The following SMC5 variants were observed in gnomAD, a reference collection of about 807,000 sequenced individuals.
SMC5 encodes the protein structural maintenance of chromosomes 5.
Under a neutral mutation model 148.3 loss-of-function variants are expected in SMC5, and 88 were observed. The ratio of observed to expected loss-of-function variants is 0.59; its 90% CI spans 0.50 to 0.71. SMC5 has a LOEUF of 0.71. Ranked by LOEUF, SMC5 falls within the 30% of genes least tolerant of loss-of-function variation. The pLI is 0.00. For missense variants in SMC5, 1,142 were observed against 1,298.9 expected (o/e 0.88, Z 1.86); for synonymous variants, 421 against 432.8 (o/e 0.97, Z 0.34).
intron 7 of SMC5, among the ~76,000 whole-genome samples, chr9:70,284,565 T>A (rs903438719): frequency 5.9e-5 from 9 of 152,218 alleles, no homozygotes; most frequent in African/African-American, 1.9e-4. Context: ...CATAATAAAT[T>A]TGAGATCTCT....
chr9:70,306,161 G>A (rs2118480187), intron 11 of SMC5, among the ~76,000 whole-genome samples: 1 of 152,216 alleles, frequency 6.6e-6, no homozygotes, highest in East Asian at 1.9e-4. Context: ...TGTATTGTCT[G>A]TAAGACTTCT....
rs778433144 is a variant in SMC5 at position 70,352,308 on chromosome 9, A to G, written c.3283A>G (p.Ile1095Val). 3 of 1,605,220 alleles carry G rather than the reference A, an allele frequency of 1.9e-6. 1 individual carries two copies. The South Asian group carries it at 3.4e-5, about 18-fold the overall frequency. Reference sequence around the variant, plus strand: ...GGCTTTCCAAAGGCGGCGGCGCCGTATTACATTCACTCAACCTTCTTAATA... The same window carrying G: ...GGCTTTCCAAAGGCGGCGGCGCCGTGTTACATTCACTCAACCTTCTTAATA... ...LKAFQRRRRR[I>V]TFTQPS is the part of the protein sequence containing the mutation. Residue 1095 changes from isoleucine to valine, a missense_variant, in exon 25 of 25, where the codon ATT becomes GTT. By Grantham distance (29) the Ile-to-Val change is conservative. Coordinates refer to ENST00000361138, the MANE Select transcript of SMC5 (RefSeq NM_015110.4).
At chr9:70,343,915 C>A (rs185291564) in intron 17 of SMC5, among the ~76,000 whole-genome samples, 1 of 152,064 alleles carries the variant, frequency 6.6e-6, no homozygotes, top group Admixed American at 6.6e-5. Context: ...AATTTTACAC[C>A]TCTTATGGAT....
At chr9:70,262,581 G>T (rs2034169164) in intron 1 of SMC5, among the ~76,000 whole-genome samples, 1 of 152,212 alleles carries the variant, frequency 6.6e-6, no homozygotes, top group Admixed American at 6.5e-5. Flanking sequence ...TTTTGGATGG[G>T]AAAGATGGTG....
rs966754708 is a variant in SMC5, at chr9:70,353,623, T to C, written c.*1292T>C. ...TAAGTAGCCATTGAAATTTATATTC[T>C]TAACTAGGTCAAAAAATAATGAGCC... On this transcript the variant is annotated 3_prime_UTR_variant, in exon 25 of 25. Coordinates refer to ENST00000361138, the MANE Select transcript of SMC5 (RefSeq NM_015110.4). The C allele has an allele frequency of 2.6e-5, 4 of 152,198 alleles. No individual in the cohort carries two copies. Among genetic ancestry groups the C allele is most frequent in the Non-Finnish European group, 5.9e-5 (4 of 68,018 alleles). 9.4% of individuals were successfully genotyped at this position (152,198 alleles called of 1,614,324 possible).
intron 8 of SMC5, among the ~76,000 whole-genome samples, chr9:70,291,942 C>G (rs761866994): frequency 1.3e-5 from 2 of 151,970 alleles, no homozygotes; most frequent in Non-Finnish European, 2.9e-5. Context: ...TGGGCTGTTG[C>G]TTTTCAAGGA....
At chr9:70,295,699 G>A (rs1028565886) in intron 8 of SMC5, among the ~76,000 whole-genome samples, 1 of 152,128 alleles carries the variant, frequency 6.6e-6, no homozygotes, top group Non-Finnish European at 1.5e-5. Flanking sequence ...TGAAAGGTAA[G>A]GGATCGTTGG....
In SMC5 at chr9:70,264,260, G is replaced by A. The variant is rs557414474; in HGVS notation, c.186-44G>A. 2.6e-6 allele frequency: 4 copies of A among 1,550,828 alleles called. No individual in the cohort carries two copies. The African/African-American group carries it at 5.5e-5, about 21-fold the overall frequency. ...TAGATAATGTAAAGCAAGGAAAAGT[G>A]GTTTTGTATCTCTCCTTAATAATTT... On this transcript the variant is annotated intron_variant, in intron 1 of 24. Transcript: ENST00000361138.
rs147773488 is a variant in SMC5 at position 70,302,458 on chromosome 9, A to G, written c.1464+2258A>G. Reference sequence around the variant, plus strand: ...CAGTGAGCTGAGATCACACTGCTACAATCCAGCCTGGCGACAGAGCTAGAC... The same window carrying G: ...CAGTGAGCTGAGATCACACTGCTACGATCCAGCCTGGCGACAGAGCTAGAC... On this transcript the variant is annotated intron_variant, in intron 10 of 24. Coordinates refer to ENST00000361138, the MANE Select transcript of SMC5 (RefSeq NM_015110.4). Among the ~76,000 whole-genome samples the G allele has an allele frequency of 7.9e-3, 1,207 of 152,022 alleles. 6 individuals are homozygous for G. Among genetic ancestry groups the G allele is most frequent in the African/African-American group, 0.028 (1,151 of 41,478 alleles).
intron 8 of SMC5, among the ~76,000 whole-genome samples, chr9:70,287,170 T>C (rs2034927311): frequency 6.6e-6 from 1 of 152,224 alleles, no homozygotes; most frequent in African/African-American, 2.4e-5. Context: ...TGTTTCAATT[T>C]GTAGTATCCT....
intron 6 of SMC5, among the ~76,000 whole-genome samples, chr9:70,281,652 T>C (rs1160301043): frequency 6.6e-6 from 1 of 152,210 alleles, no homozygotes; most frequent in Non-Finnish European, 1.5e-5. Flanking sequence ...TAATTGTTAC[T>C]TGCTTCAAAA....
intron 17 of SMC5, among the ~76,000 whole-genome samples, chr9:70,336,886 GA>G (rs1448029632): frequency 6.6e-6 from 1 of 152,186 alleles, no homozygotes; most frequent in Non-Finnish European, 1.5e-5. Flanking sequence ...GTTTACAAAA[GA>G]AAGAGGTTTA....
rs556518632 is a variant in SMC5, at chr9:70,313,937, G to T, written c.1579-805G>T. On this transcript the variant is annotated intron_variant, in intron 11 of 24. Transcript: ENST00000361138. ...TTAAACTCCAAACTCTGTCTCTCAA[G>T]CAATGGACAGCAACTGAAATCTCCA... 1.5e-3 allele frequency among the ~76,000 whole-genome samples: 230 copies of T among 152,288 alleles called. 1 individual carries two copies. The highest frequency in any genetic ancestry group is 2.8e-3 in the Non-Finnish European group (193 of 68,022).
At chr9:70,294,957 A>G (rs2035155330) in intron 8 of SMC5, among the ~76,000 whole-genome samples, 1 of 152,200 alleles carries the variant, frequency 6.6e-6, no homozygotes, top group African/African-American at 2.4e-5. Flanking sequence ...TAACATAGCA[A>G]CAAGGGTAAT....
At chr9:70,296,492 G>T (rs956175239) in intron 8 of SMC5, among the ~76,000 whole-genome samples, 2 of 151,270 alleles carry the variant, frequency 1.3e-5, no homozygotes, top group African/African-American at 2.4e-5. Context: ...AACCCAGGTT[G>T]CAGTGAACCG....
intron 6 of SMC5, among the ~76,000 whole-genome samples, chr9:70,281,536 A>G (rs985074430): frequency 6.6e-6 from 1 of 152,212 alleles, no homozygotes; most frequent in African/African-American, 2.4e-5. Context: ...TATTAAGACT[A>G]CAGTTCGGGT....
chr9:70,267,884 T>C, intron 2 of SMC5, 39 bp from the exon 3 acceptor site: 1 of 1,545,730 alleles, frequency 6.5e-7, no homozygotes, highest in Non-Finnish European at 8.8e-7. Flanking sequence ...AACCTGGGAA[T>C]GTCACTACAC....
At chr9:70,315,238 G>T (rs893639446) in intron 12 of SMC5, among the ~76,000 whole-genome samples, 1 of 151,826 alleles carries the variant, frequency 6.6e-6, no homozygotes, top group African/African-American at 2.4e-5. Context: ...AATTTAAAAA[G>T]AGTAGTTTGT....
At chr9:70,348,214 G>C (rs573321079) in intron 22 of SMC5, among the ~76,000 whole-genome samples, 176 bp downstream of exon 22, 2 of 149,906 alleles carry the variant, frequency 1.3e-5, no homozygotes, top group Non-Finnish European at 2.9e-5. Context: ...CACTTTTTTT[G>C]GGGGGGGTTA....
Sources: allele counts gnomAD v4.1 joint callset (sites outside exome capture counted in the v4.1 genomes callset), GRCh38; gene constraint gnomAD v4.1.1; transcripts MANE v1.5; gene names NCBI Gene and HGNC (gene_info 2026-07-23, HGNC 2026-07-21).